The following SERINC5 variants were observed in gnomAD, a reference collection of about 807,000 sequenced individuals.
SERINC5 encodes serine incorporator 5.
SERINC5 carries 41 observed loss-of-function variants against 63.1 expected under a neutral mutation model. The ratio of observed to expected loss-of-function variants is 0.65; its 90% CI spans 0.51 to 0.84. The LOEUF (loss-of-function observed/expected upper bound fraction) is 0.84. Among genes scored for constraint, SERINC5 ranks in the 40% least tolerant of loss-of-function variants. The pLI is 0.00. For missense variants in SERINC5, 523 were observed against 573.0 expected (o/e 0.91, Z 0.89); for synonymous variants, 222 against 215.2 (o/e 1.03, Z -0.28).
At chr5:80,253,454 C>T (rs1235588524) in intron 1 of SERINC5, among the ~76,000 whole-genome samples, 3 of 152,198 alleles carry the variant, frequency 2.0e-5, no homozygotes, top group Admixed American at 6.6e-5. Context: ...CCAGTCTTCA[C>T]GACATCCCAA....
chr5:80,112,162 A>C (rs1019915319), intron 12 of SERINC5, among the ~76,000 whole-genome samples: 5 of 152,152 alleles, frequency 3.3e-5, no homozygotes, highest in Non-Finnish European at 7.4e-5. Flanking sequence ...AGAATTAGTA[A>C]AAGAGGAAGG....
At position 80,191,493 on chromosome 5, in the gene SERINC5, A is replaced by G. The variant is rs1355918234; in HGVS notation, c.195+11393T>C. On this transcript the variant is annotated intron_variant, in intron 2 of 11. Coordinates refer to ENST00000507668, the MANE Select transcript of SERINC5 (RefSeq NM_001174072.3). ...CTCCATCTCTACAAAAAAAAAAAAA[A>G]AAGAAAAAAAAAAAAGAAAAATTAG... 4.3e-3 allele frequency among the ~76,000 whole-genome samples: 442 copies of G among 103,800 alleles called. 2 individuals carry two copies. The highest frequency in any genetic ancestry group is 0.014 in the African/African-American group (426 of 30,768). 68.1% of individuals were successfully genotyped at this position (103,800 alleles called of 152,430 possible).
intron 2 of SERINC5, among the ~76,000 whole-genome samples, chr5:80,191,039 G>A (rs775296061): frequency 1.3e-5 from 2 of 151,666 alleles, no homozygotes; most frequent in South Asian, 2.1e-4. Context: ...AGACCAGACC[G>A]AACCAAAATG....
intron 2 of SERINC5, among the ~76,000 whole-genome samples, chr5:80,197,363 G>GAA (rs1749577554): frequency 6.6e-5 from 5 of 75,384 alleles, no homozygotes; most frequent in Non-Finnish European, 1.1e-4. Flanking sequence ...GAGAGAGAGA[G>GAA]AACGGACCAG....
In SERINC5 at chr5:80,163,043, C is replaced by T. The variant is rs1395945632; in HGVS notation, c.859+3340G>A. Among the ~76,000 whole-genome samples the T allele has an allele frequency of 2.0e-5, 3 of 151,828 alleles. 1 individual carries two copies. The highest frequency in any genetic ancestry group is 2.0e-4 in the East Asian group (1 of 5,118). On this transcript the variant is annotated intron_variant, in intron 7 of 11. Transcript: ENST00000507668. ...CTAATTTTTGTATTTTTAGTAGACA[C>T]GAGGTCTCACCATGTTGGCCAAGCT...
At chr5:80,250,862 CCCT>C (rs1191902384) in intron 1 of SERINC5, among the ~76,000 whole-genome samples, 2 of 152,164 alleles carry the variant, frequency 1.3e-5, no homozygotes, top group African/African-American at 4.8e-5. Flanking sequence ...CCGCTCACTC[CCCT>C]CCTTACTCCC....
chr5:80,182,339 C>T (rs967107334), intron 2 of SERINC5, among the ~76,000 whole-genome samples: 1 of 152,170 alleles, frequency 6.6e-6, no homozygotes, highest in Non-Finnish European at 1.5e-5. Context: ...GCTGAAGACA[C>T]AGGAGTAGCT....
chr5:80,206,432 C>G (rs777296572), intron 1 of SERINC5, among the ~76,000 whole-genome samples: 2 of 152,176 alleles, frequency 1.3e-5, no homozygotes, highest in Non-Finnish European at 2.9e-5. Flanking sequence ...TCATTCTCTA[C>G]TGTTTCATCA....
chr5:80,242,145 CA>C (rs539181600), intron 1 of SERINC5, among the ~76,000 whole-genome samples: 200 of 151,634 alleles, frequency 1.3e-3, no homozygotes, highest in African/African-American at 4.7e-3. Context: ...CACAACAAAA[CA>C]AAAAAAGTGA....
chr5:80,189,455 A>AGCTAC (rs1749045718), intron 2 of SERINC5, among the ~76,000 whole-genome samples: 1 of 152,236 alleles, frequency 6.6e-6, no homozygotes, highest in Non-Finnish European at 1.5e-5. Context: ...TTAAAACCAC[A>AGCTAC]GCTACGGAGG....
intron 5 of SERINC5, among the ~76,000 whole-genome samples, chr5:80,174,369 A>AAATT (rs139914615): frequency 9.0e-4 from 118 of 131,708 alleles, no homozygotes; most frequent in African/African-American, 3.3e-3. Flanking sequence ...CCCATCTCAA[A>AAATT]AATAATAATA....
intron 1 of SERINC5, among the ~76,000 whole-genome samples, chr5:80,212,890 G>C (rs1750500642): frequency 6.6e-6 from 1 of 152,160 alleles, no homozygotes; most frequent in Non-Finnish European, 1.5e-5. Context: ...TACACATGTG[G>C]TTTATCTGGG....
chr5:80,113,826 T>G (rs1357313490), intron 11 of SERINC5, among the ~76,000 whole-genome samples: 2 of 151,886 alleles, frequency 1.3e-5, no homozygotes, highest in Non-Finnish European at 2.9e-5. Context: ...GAGATTTGGG[T>G]GGGGACACAG....
At chr5:80,147,166 T>A in intron 10 of SERINC5, 79 bp downstream of exon 10, 3 of 1,328,142 alleles carry the variant, frequency 2.3e-6, no homozygotes, top group African/African-American at 1.5e-5. Flanking sequence ...TATTTGTGTC[T>A]GAATCCCAAA....
At chr5:80,160,508 T>C (rs1188259857) in intron 7 of SERINC5, among the ~76,000 whole-genome samples, 1 of 152,196 alleles carries the variant, frequency 6.6e-6, no homozygotes, top group African/African-American at 2.4e-5. Flanking sequence ...TTATGACTAG[T>C]ATTTGCACTT....
At position 80,181,416 on chromosome 5, in the gene SERINC5, T is replaced by TTGTGTGTGTG. The variant is rs70982028; in HGVS notation, c.196-3362_196-3353dup. 8.2e-3 allele frequency among the ~76,000 whole-genome samples: 1,190 copies of TTGTGTGTGTG among 145,442 alleles called. 14 individuals are homozygous for TTGTGTGTGTG. The highest frequency in any genetic ancestry group is 0.028 in the African/African-American group (1,087 of 39,440). Reference sequence around the variant, plus strand: ...CATGCACCACCAAGCTCAGCTAATTTTGTGTGTGTGTGTGTGTGTGTGTGT... The same window carrying TTGTGTGTGTG: ...CATGCACCACCAAGCTCAGCTAATTTTGTGTGTGTGTGTGTGTGTGTGTGTGTGTGTGTGT... On this transcript the variant is annotated intron_variant, in intron 2 of 11. Coordinates refer to ENST00000507668, the MANE Select transcript of SERINC5 (RefSeq NM_001174072.3).
chr5:80,126,703 G>T (rs1399963486), intron 11 of SERINC5, among the ~76,000 whole-genome samples: 1 of 152,012 alleles, frequency 6.6e-6, no homozygotes, highest in South Asian at 2.1e-4. Flanking sequence ...TTGTACAAAT[G>T]AAATTCATAA....
chr5:80,114,823 T>C (rs1364193647), intron 11 of SERINC5, among the ~76,000 whole-genome samples: 1 of 151,938 alleles, frequency 6.6e-6, no homozygotes, highest in East Asian at 1.9e-4. Context: ...GGCCAAACCA[T>C]ATCACCACCC....
rs1173698195 is a variant in SERINC5 at position 80,169,330 on chromosome 5, C to T, written c.763+5G>A. ...GTAACGAAGAATGGAAAAAAACATG[C>T]TTACGATTTTGGACCCAGGGTGAGA... On this transcript the variant is annotated splice_donor_5th_base_variant and intron_variant, in intron 6 of 11. Transcript: ENST00000507668. 1 of 1,611,864 alleles carries T rather than the reference C, an allele frequency of 6.2e-7. No homozygotes were observed. Among genetic ancestry groups the T allele is most frequent in the Non-Finnish European group, 8.5e-7 (1 of 1,178,244 alleles).
Sources: gnomAD v4.1 joint callset for allele counts (sites outside exome capture counted in the v4.1 genomes callset) on GRCh38, gnomAD v4.1.1 for gene constraint, MANE v1.5 for transcripts, NCBI Gene and HGNC (gene_info 2026-07-23, HGNC 2026-07-21) for gene names.